Variants in BICD2 observed in about 807,000 individuals in gnomAD.
The protein encoded by BICD2 is BICD cargo adaptor 2.
A neutral mutation model predicts 72.9 loss-of-function variants in BICD2; 25 were observed. The ratio of observed to expected loss-of-function variants is 0.34; its 90% CI spans 0.25 to 0.48. BICD2 has a LOEUF of 0.48. Ranked by LOEUF, BICD2 falls within the 20% of genes least tolerant of loss-of-function variation. The pLI, the probability that BICD2 is intolerant of heterozygous loss-of-function variation, is 0.99. For missense variants in BICD2, 894 were observed against 1,175.2 expected (o/e 0.76, Z 3.50); for synonymous variants, 501 against 516.1 (o/e 0.97, Z 0.40).
At chr9:92,763,140 C>A (rs765048737) in intron 1 of BICD2, among the ~76,000 whole-genome samples, 2 of 152,138 alleles carry the variant, frequency 1.3e-5, no homozygotes, top group Non-Finnish European at 2.9e-5. Context: ...CTCCTGCTGG[C>A]CCAGGGTCAG....
intron 4 of BICD2, 49 bp from the exon 5 acceptor site, chr9:92,719,631 G>C: frequency 6.7e-7 from 1 of 1,498,740 alleles, no homozygotes; most frequent in Non-Finnish European, 8.9e-7. Context: ...TATGGACCCC[G>C]AGAGCTTGGA....
intron 1 of BICD2, among the ~76,000 whole-genome samples, chr9:92,735,410 A>G (rs1033591003): frequency 3.3e-5 from 5 of 151,932 alleles, no homozygotes; most frequent in African/African-American, 1.2e-4. Flanking sequence ...ACAGGGGCTC[A>G]GGGAAGGGAT....
chr9:92,719,814 T>G (rs1853421423), intron 4 of BICD2, among the ~76,000 whole-genome samples: 1 of 152,216 alleles, frequency 6.6e-6, no homozygotes, highest in Non-Finnish European at 1.5e-5. Flanking sequence ...GTGGTCACCC[T>G]CAACGCAGGC....
At chr9:92,723,885 G>C (rs1475862503) in intron 2 of BICD2, among the ~76,000 whole-genome samples, 1 of 152,186 alleles carries the variant, frequency 6.6e-6, no homozygotes, top group African/African-American at 2.4e-5. Context: ...GCAACATTCA[G>C]GGACGTTTCT....
chr9:92,752,373 AG>A (rs1291890981), intron 1 of BICD2, among the ~76,000 whole-genome samples: 9 of 152,050 alleles, frequency 5.9e-5, no homozygotes, highest in Non-Finnish European at 8.8e-5. Flanking sequence ...GGTATGTTAA[AG>A]GGGGTATAAG....
chr9:92,718,483 G>A (rs1290118375), intron 5 of BICD2, 56 bp downstream of exon 5: 7 of 1,546,496 alleles, frequency 4.5e-6, no homozygotes, highest in Non-Finnish European at 5.2e-6. Flanking sequence ...GGCCAAGGGG[G>A]AAACACCCTT....
At position 92,713,294 on chromosome 9, in the gene BICD2, A is replaced by G. The variant is rs142202786; in HGVS notation, c.*1860T>C. 238 of 783,022 alleles carry G rather than the reference A, an allele frequency of 3.0e-4. 2 individuals carry two copies. The East Asian group carries it at 6.5e-3, about 21-fold the overall frequency. The allele number at this position is 783,022 out of a possible 1,614,324, so 48.5% of individuals were successfully genotyped here. On this transcript the variant is annotated 3_prime_UTR_variant, in exon 7 of 7. Coordinates refer to ENST00000356884, the MANE Select transcript of BICD2 (RefSeq NM_001003800.2). Reference sequence around the variant, plus strand: ...AAAGCTTTTTTTCCTCCCATTAAAAACCTGGGGAATGCTATTTTGAAAAGA... The same window carrying G: ...AAAGCTTTTTTTCCTCCCATTAAAAGCCTGGGGAATGCTATTTTGAAAAGA...
chr9:92,745,692 G>A (rs1853996200), intron 1 of BICD2, among the ~76,000 whole-genome samples: 1 of 152,184 alleles, frequency 6.6e-6, no homozygotes. Context: ...ACCAATGTAA[G>A]CTCATTAGCT....
chr9:92,757,049 AAGGTCTGTAATCCT>A (rs1215274308), intron 1 of BICD2, among the ~76,000 whole-genome samples: 1 of 151,788 alleles, frequency 6.6e-6, no homozygotes, highest in East Asian at 1.9e-4. Flanking sequence ...TTAAAATGAC[AAGGTCTGTAATCCT>A]AGCACCTTGC....
chr9:92,731,867 G>A (rs1290734971), intron 1 of BICD2, among the ~76,000 whole-genome samples: 1 of 152,232 alleles, frequency 6.6e-6, no homozygotes, highest in Non-Finnish European at 1.5e-5. Context: ...GCAGAGGAGA[G>A]CCCTCCTGAT....
chr9:92,717,913 C>G lies in BICD2; in HGVS notation c.2142G>C (p.Lys714Asn), dbSNP rs777986224. ...TAACCATGGCCTTCTCATTCTCATA[C>G]TTGCTCTTCAGGTTGGCAAGGGCCA... ...AEVALANLKS[K>N]YENEKAMVTE... The change falls in exon 6 of 7, where the codon AAG (lysine) becomes AAC (asparagine). Residue 714 changes from lysine to asparagine, a missense_variant. By Grantham distance (94) the Lys-to-Asn change is moderately conservative (BLOSUM62 0). Transcript: ENST00000356884. 197 of 1,613,564 alleles carry G rather than the reference C, an allele frequency of 1.2e-4. No homozygotes were observed. Among genetic ancestry groups the G allele is most frequent in the Non-Finnish European group, 1.5e-4 (178 of 1,180,018 alleles).
At chr9:92,722,525 A>C in intron 3 of BICD2, 131 bp downstream of exon 3, 1 of 1,237,654 alleles carries the variant, frequency 8.1e-7, no homozygotes, top group African/African-American at 1.5e-5. Flanking sequence ...ACAGTGGTAA[A>C]GCTGGCCCTG....
intron 1 of BICD2, among the ~76,000 whole-genome samples, chr9:92,756,070 G>A (rs1024705737): frequency 2.0e-4 from 30 of 152,166 alleles, no homozygotes; most frequent in African/African-American, 7.2e-4. Context: ...GTAGGACAGT[G>A]ACAATACTAG....
intron 1 of BICD2, among the ~76,000 whole-genome samples, chr9:92,746,746 A>G (rs969861860): frequency 1.3e-5 from 2 of 152,146 alleles, no homozygotes; most frequent in African/African-American, 4.8e-5. Flanking sequence ...AAAAGACCAC[A>G]CACCAAGTAT....
chr9:92,741,316 T>C (rs1190317440), intron 1 of BICD2, among the ~76,000 whole-genome samples: 1 of 152,220 alleles, frequency 6.6e-6, no homozygotes, highest in Non-Finnish European at 1.5e-5. Context: ...AGTTATTCAC[T>C]GTGATCAGAA....
intron 1 of BICD2, among the ~76,000 whole-genome samples, chr9:92,740,539 G>T (rs143202890): frequency 5.3e-5 from 8 of 151,988 alleles, no homozygotes; most frequent in South Asian, 2.1e-4. Flanking sequence ...GGGCGGGGAG[G>T]GGGGGCGTTG....
At chr9:92,760,793 C>T (rs1854356023) in intron 1 of BICD2, among the ~76,000 whole-genome samples, 1 of 152,136 alleles carries the variant, frequency 6.6e-6, no homozygotes, top group African/African-American at 2.4e-5. Context: ...CCCTGAAAGG[C>T]CCTTGGGTCT....
rs765309802 is a variant in BICD2 at position 92,720,686 on chromosome 9, G to C, written c.676C>G (p.Leu226Val). 6.2e-7 allele frequency: 1 copy of C among 1,614,154 alleles called. No homozygotes were observed. The highest frequency in any genetic ancestry group is 2.2e-5 in the East Asian group (1 of 44,880). The part of the protein sequence containing the change: ...EEETEYLNSQ[L>V]EDAIRLKEIS... ...TCCTTGAGGCGGATGGCATCCTCCA[G>C]CTGGCTGTTGAGGTACTCGGTCTCC... Residue 226 changes from leucine (L) to valine (V), a missense_variant, in exon 4 of 7, where the codon CTG (leucine) becomes GTG (valine). Physicochemically the swap from Leu to Val is conservative, Grantham distance 32. This residue lies in a region of BICD2 where 371 missense variants were observed against 439.1 expected (regional missense o/e 0.84). Transcript: ENST00000356884. The surrounding 1 kb of genome is among the most constrained non-coding windows in gnomAD (Gnocchi z 5.4).
chr9:92,728,172 T>C (rs1290154188), intron 2 of BICD2, among the ~76,000 whole-genome samples: 3 of 152,196 alleles, frequency 2.0e-5, no homozygotes, highest in African/African-American at 7.2e-5. Flanking sequence ...CACAGCAACC[T>C]TCCCAAATCC....
Sources: allele counts gnomAD v4.1 joint callset (sites outside exome capture counted in the v4.1 genomes callset), GRCh38; gene constraint gnomAD v4.1.1; regional missense constraint gnomAD v4.1.1; non-coding constraint Gnocchi (gnomAD v3.1); transcripts MANE v1.5; gene names NCBI Gene and HGNC (gene_info 2026-07-23, HGNC 2026-07-21).